Variants in RYR3 observed in about 807,000 individuals in gnomAD.
RYR3 encodes ryanodine receptor 3.
Under a neutral mutation model 584.3 loss-of-function variants are expected in RYR3, and 207 were observed. That is an observed-to-expected ratio of 0.35 (90% CI 0.32 to 0.40). RYR3 has a LOEUF of 0.40. RYR3 is among the 10% of genes least tolerant of loss of function. The probability of loss-of-function intolerance (pLI) is 1.00; values close to 1 mark genes in which losing one functional copy is unlikely to be tolerated. For missense variants in RYR3, 5,616 were observed against 6,089.2 expected (o/e 0.92, Z 2.59); for synonymous variants, 2,416 against 2,248.5 (o/e 1.07, Z -2.11).
intron 8 of RYR3, among the ~76,000 whole-genome samples, chr15:33,545,743 C>A (rs1393326246): frequency 1.3e-5 from 2 of 152,082 alleles, no homozygotes; most frequent in African/African-American, 2.4e-5. Context: ...GCACCAAAAT[C>A]TGGGGAGCAT....
At chr15:33,787,691 C>T (rs2074824699) in intron 66 of RYR3, among the ~76,000 whole-genome samples, 1 of 152,144 alleles carries the variant, frequency 6.6e-6, no homozygotes, top group Admixed American at 6.5e-5. Context: ...AGTCTCCAGG[C>T]AATAGGTTGG....
intron 85 of RYR3, among the ~76,000 whole-genome samples, chr15:33,829,306 T>G (rs1338991553): frequency 6.6e-6 from 1 of 152,300 alleles, no homozygotes; most frequent in Admixed American, 6.5e-5. Context: ...AGCCCATGGA[T>G]CAAGGAGTAA....
chr15:33,782,211 G>T (rs534083281), intron 65 of RYR3, among the ~76,000 whole-genome samples: 2 of 152,208 alleles, frequency 1.3e-5, no homozygotes, highest in African/African-American at 2.4e-5. Flanking sequence ...GTGAAATGAG[G>T]ATGTGACAAA....
intron 11 of RYR3, among the ~76,000 whole-genome samples, chr15:33,565,848 A>G (rs183634752): frequency 2.7e-4 from 41 of 152,318 alleles, no homozygotes; most frequent in African/African-American, 9.9e-4. Flanking sequence ...GTGTCATGAT[A>G]TCCTTAGTGA....
chr15:33,608,883 G>A (rs1421794037), intron 18 of RYR3, among the ~76,000 whole-genome samples: 5 of 152,214 alleles, frequency 3.3e-5, no homozygotes, highest in Non-Finnish European at 1.5e-5. Flanking sequence ...GAAAGAATAA[G>A]CCAGACGGGG....
intron 6 of RYR3, 24 bp from the exon 7 acceptor site, chr15:33,540,767 G>C: frequency 6.9e-7 from 1 of 1,459,156 alleles, no homozygotes; most frequent in East Asian, 2.3e-5. Flanking sequence ...TTTAAAAGAT[G>C]TCTCATTTCT....
At chr15:33,805,531 A>G (rs140126982) in intron 69 of RYR3, among the ~76,000 whole-genome samples, 2,818 of 147,982 alleles carry the variant, frequency 0.019, 40 homozygotes, top group Non-Finnish European at 0.028. Flanking sequence ...AGGCTGGAGT[A>G]CAGTGGTGCG....
intron 75 of RYR3, 86 bp from the exon 76 acceptor site, chr15:33,818,492 C>T (rs924191108): frequency 7.2e-5 from 67 of 930,506 alleles, no homozygotes; most frequent in South Asian, 1.5e-4. Flanking sequence ...CTGTGCCTTG[C>T]GCTTTACCTT....
intron 28 of RYR3, among the ~76,000 whole-genome samples, chr15:33,644,804 A>G (rs534468509): frequency 1.5e-4 from 23 of 152,312 alleles, no homozygotes; most frequent in African/African-American, 5.3e-4. Context: ...CTGTGTTGTC[A>G]TAGTAATATA....
Position 33,865,375 on chromosome 15 carries a change from A to G in RYR3, c.*149A>G. On this transcript the variant is annotated 3_prime_UTR_variant, in exon 104 of 104. Transcript: ENST00000634891. ...ACTGCTGAAAATCTGTGCTATTTTG[A>G]AATTGATTTGGCTTTTTGTGCCTAA... is the stretch of plus-strand genomic sequence containing the variant. The G allele has an allele frequency of 1.6e-6, 1 of 632,882 alleles. No individual in the cohort carries two copies. The highest frequency in any genetic ancestry group is 2.1e-5 in the South Asian group (1 of 47,580). 39.2% of individuals were successfully genotyped at this position (632,882 alleles called of 1,614,324 possible).
chr15:33,771,279 T>C (rs548320295), intron 62 of RYR3, among the ~76,000 whole-genome samples: 2 of 152,364 alleles, frequency 1.3e-5, no homozygotes, highest in African/African-American at 4.8e-5. Context: ...CTCACGCCTG[T>C]AATCCCAGCA....
chr15:33,317,431 C>T (rs909490587), intron 1 of RYR3, among the ~76,000 whole-genome samples: 4 of 152,244 alleles, frequency 2.6e-5, no homozygotes, highest in African/African-American at 9.6e-5. Flanking sequence ...ACTGGGTCCT[C>T]CAGGCCCCAG....
chr15:33,507,374 A>C (rs2052570475), intron 3 of RYR3, among the ~76,000 whole-genome samples: 2 of 152,192 alleles, frequency 1.3e-5, no homozygotes, highest in African/African-American at 2.4e-5. Flanking sequence ...GAGGACCTGG[A>C]GCAGAGAACA....
intron 31 of RYR3, among the ~76,000 whole-genome samples, chr15:33,650,903 A>G (rs2062427103): frequency 6.6e-6 from 1 of 152,266 alleles, no homozygotes; most frequent in South Asian, 2.1e-4. Flanking sequence ...GAGAGCCAAA[A>G]TAGATGCTAT....
intron 97 of RYR3, among the ~76,000 whole-genome samples, 155 bp from the exon 98 acceptor site, chr15:33,854,611 T>C (rs975654468): frequency 2.0e-5 from 3 of 152,162 alleles, no homozygotes; most frequent in African/African-American, 7.2e-5. Flanking sequence ...ATAAGGTAGA[T>C]GGGGCTCACT....
Position 33,775,635 on chromosome 15 carries a change from A to G in RYR3, c.9137+2020A>G, listed in dbSNP as rs180903071. ...AGAGAACTCAAGTCAGTGGCCACAA[A>G]ACGGGCTACTTCTTTCGCTTTGCCT... is the stretch of plus-strand genomic sequence containing the variant. On this transcript the variant is annotated intron_variant, in intron 64 of 103. Transcript: ENST00000634891. 5.7e-4 allele frequency among the ~76,000 whole-genome samples: 86 copies of G among 152,208 alleles called. 1 individual carries two copies. Among genetic ancestry groups the G allele is most frequent in the African/African-American group, 1.9e-3 (80 of 41,524 alleles).
chr15:33,785,367 G>A (rs1596573047), intron 65 of RYR3, among the ~76,000 whole-genome samples: 2 of 152,154 alleles, frequency 1.3e-5, no homozygotes, highest in African/African-American at 2.4e-5. Context: ...TGGCTTCATC[G>A]CAGGATAGTC....
chr15:33,397,648 GGAGA>G (rs2042380076), intron 1 of RYR3, among the ~76,000 whole-genome samples: 1 of 152,190 alleles, frequency 6.6e-6, no homozygotes, highest in Admixed American at 6.5e-5. Context: ...TTGCTTATCT[GGAGA>G]ACAGTTCTTG....
chr15:33,698,933 A>C (rs2066061584), intron 40 of RYR3, among the ~76,000 whole-genome samples: 1 of 152,202 alleles, frequency 6.6e-6, no homozygotes, highest in Admixed American at 6.5e-5. Context: ...TGTAGGATCA[A>C]AACTAAGATT....
Sources: gnomAD v4.1 joint callset for allele counts (sites outside exome capture counted in the v4.1 genomes callset) on GRCh38, gnomAD v4.1.1 for gene constraint, MANE v1.5 for transcripts, NCBI Gene and HGNC (gene_info 2026-07-23, HGNC 2026-07-21) for gene names.